RAD17: variants seen among roughly 807,000 people sequenced by gnomAD.
The protein encoded by RAD17 is RAD17 checkpoint clamp loader component.
In RAD17, 31 loss-of-function variants were observed where a neutral mutation model predicts 81.5. The ratio of observed to expected loss-of-function variants is 0.38; its 90% confidence interval spans 0.29 to 0.51. RAD17 has a LOEUF of 0.51. Among genes scored for constraint, RAD17 ranks in the 20% least tolerant of loss-of-function variants. The pLI is 0.88. For missense variants in RAD17, 681 were observed against 781.2 expected, an observed-to-expected ratio of 0.87 and a Z score of 1.53; for synonymous variants, 261 against 266.2, an observed-to-expected ratio of 0.98 and a Z score of 0.19.
intron 18 of RAD17, among the ~76,000 whole-genome samples, chr5:69,412,207 C>T (rs866100531): frequency 2.4e-4 from 37 of 152,110 alleles, no homozygotes; most frequent in Non-Finnish European, 1.0e-4. Context: ...CCGCCCACTT[C>T]GGCCTCCCAA....
chr5:69,408,506 CT>C (rs913594965), intron 17 of RAD17, among the ~76,000 whole-genome samples: 1,025 of 88,432 alleles, frequency 0.012, 9 homozygotes, highest in African/African-American at 0.041. Flanking sequence ...ACCCTAATTA[CT>C]TTTTTTTTTT....
intron 11 of RAD17, among the ~76,000 whole-genome samples, chr5:69,387,000 C>T (rs888190610): frequency 4.6e-5 from 7 of 150,920 alleles, no homozygotes; most frequent in African/African-American, 1.7e-4. Context: ...TCATGGCTCA[C>T]TGCAGCCTCG....
At chr5:69,409,609 T>A (rs1410513363) in intron 17 of RAD17, among the ~76,000 whole-genome samples, 1 of 152,206 alleles carries the variant, frequency 6.6e-6, no homozygotes, top group Non-Finnish European at 1.5e-5. Flanking sequence ...TGGGAGTGGG[T>A]ACACAAGAGC....
At chr5:69,384,674 C>T in intron 7 of RAD17, 123 bp from the exon 8 acceptor site, 1 of 890,288 alleles carries the variant, frequency 1.1e-6, no homozygotes, top group Non-Finnish European at 1.6e-6. Context: ...ATGATTTTTC[C>T]TAATTGGGAA....
In RAD17 at chr5:69,406,368, A is replaced by T. The variant is rs35790913; in HGVS notation, c.1694-4125A>T. On this transcript the variant is annotated intron_variant, in intron 17 of 18. Coordinates refer to ENST00000354868, the MANE Select transcript of RAD17 (RefSeq NM_133338.3). The stretch of plus-strand genomic sequence containing the variant: ...TCATAATAGTAGAGCACAGAATGGG[A>T]TTACCATGGGCTTGGGTGGTAGGGG... 1.9e-3 allele frequency among the ~76,000 whole-genome samples: 281 copies of T among 151,256 alleles called. 1 individual carries two copies. The highest frequency in any genetic ancestry group is 0.014 in the Middle Eastern group (4 of 292).
rs540372857 is a variant in RAD17 at position 69,374,991 on chromosome 5, C to T, written c.351+280C>T. On this transcript the variant is annotated intron_variant, in intron 6 of 18. Coordinates refer to ENST00000354868, the MANE Select transcript of RAD17 (RefSeq NM_133338.3). ...ATTAGCTGGGCATTGTGGTGCATGCCTCTGGTCTCAGCTACTTGGGAAGCT... is the reference window on the plus strand; with the variant it reads ...ATTAGCTGGGCATTGTGGTGCATGCTTCTGGTCTCAGCTACTTGGGAAGCT... Among the ~76,000 whole-genome samples, 8 of 152,230 alleles carry T rather than the reference C, an allele frequency of 5.3e-5. No homozygotes were observed. In the East Asian group the frequency reaches 9.7e-4, roughly 18 times the overall value.
intron 7 of RAD17, among the ~76,000 whole-genome samples, chr5:69,382,782 A>G (rs1254402342): frequency 6.6e-6 from 1 of 152,210 alleles, no homozygotes; most frequent in Non-Finnish European, 1.5e-5. Flanking sequence ...ATAACGATTT[A>G]AAAATTGATA....
chr5:69,399,787 TTTC>T (rs1383793345), intron 16 of RAD17, among the ~76,000 whole-genome samples: 3 of 152,168 alleles, frequency 2.0e-5, no homozygotes, highest in African/African-American at 4.8e-5. Flanking sequence ...TAAATTTGGT[TTTC>T]TTATACATTC....
At chr5:69,373,711 T>TATTTTTAAAGGTTATAAATA in intron 4 of RAD17, 119 bp from the exon 5 acceptor site, 1 of 435,610 alleles carries the variant, frequency 2.3e-6, no homozygotes, top group South Asian at 4.7e-5. Context: ...TTTTTTTTTT[T>TATTTTTAAAGGTTATAAATA]TTTTTAAGTT....
intron 4 of RAD17, among the ~76,000 whole-genome samples, chr5:69,373,067 G>T (rs1763104770): frequency 6.6e-6 from 1 of 152,170 alleles, no homozygotes; most frequent in African/African-American, 2.4e-5. Flanking sequence ...TCTTCAAGCT[G>T]ATACGGATTA....
chr5:69,369,993 C>G (rs1762831837), intron 1 of RAD17, 60 bp downstream of exon 1: 1 of 440,374 alleles, frequency 2.3e-6, no homozygotes, highest in Non-Finnish European at 4.0e-6. Flanking sequence ...GAGTCTATCT[C>G]TGCCTTCAAG....
chr5:69,388,044 A>G (rs1202816745), intron 11 of RAD17, among the ~76,000 whole-genome samples: 1 of 152,056 alleles, frequency 6.6e-6, no homozygotes, highest in Non-Finnish European at 1.5e-5. Context: ...TACATTCTCT[A>G]CTATAAGCAT....
chr5:69,373,969 T>C lies in RAD17; in HGVS notation c.149T>C (p.Phe50Ser), dbSNP rs555512854. The change falls in exon 5 of 19, where the codon TTT becomes TCT. Residue 50 changes from phenylalanine to serine, a missense_variant. Coordinates refer to ENST00000354868, the MANE Select transcript of RAD17 (RefSeq NM_133338.3). ...NGPSTLESSR[F>S]PARKRGNLSS... is the part of the protein sequence containing the mutation. Reference sequence around the variant, plus strand: ...CCTTCTACATTAGAAAGCAGCAGATTTCCAGCGAGAAAAAGAGGAAATCTA... The same window carrying C: ...CCTTCTACATTAGAAAGCAGCAGATCTCCAGCGAGAAAAAGAGGAAATCTA... 96 of 1,613,630 alleles carry C rather than the reference T, an allele frequency of 5.9e-5. 1 individual carries two copies. In the South Asian group the frequency reaches 1.0e-3, roughly 17 times the overall value.
chr5:69,373,680 A>C, intron 4 of RAD17, 150 bp from the exon 5 acceptor site: 1 of 252,006 alleles, frequency 4.0e-6, no homozygotes, highest in Non-Finnish European at 5.5e-6. Context: ...ACCCGGTCTC[A>C]AAAAAATTTT....
intron 17 of RAD17, among the ~76,000 whole-genome samples, chr5:69,405,597 G>A (rs998648253): frequency 6.6e-6 from 1 of 151,718 alleles, no homozygotes; most frequent in African/African-American, 2.4e-5. Context: ...AACTTGGGAG[G>A]CAGAGGTTGC....
chr5:69,401,094 C>T (rs1400187906), intron 17 of RAD17, among the ~76,000 whole-genome samples: 2 of 152,168 alleles, frequency 1.3e-5, no homozygotes. Flanking sequence ...TCTGTAATCC[C>T]AGCCACTCGG....
At chr5:69,391,777 T>C in intron 12 of RAD17, 54 bp from the exon 13 acceptor site, 4 of 1,285,186 alleles carry the variant, frequency 3.1e-6, no homozygotes, top group Non-Finnish European at 4.1e-6. Context: ...GTGTTCTTAG[T>C]TTTAATTTTC....
Position 69,414,344 on chromosome 5 carries a change from T to G in RAD17, c.*52T>G. The G allele has an allele frequency of 6.4e-7, 1 of 1,561,478 alleles. No homozygotes were observed. Among genetic ancestry groups the G allele is most frequent in the Non-Finnish European group, 8.8e-7 (1 of 1,138,466 alleles). On this transcript the variant is annotated 3_prime_UTR_variant, in exon 19 of 19. Coordinates refer to ENST00000354868, the MANE Select transcript of RAD17 (RefSeq NM_133338.3). ...CTTCACAGCTTCATTTTTGTTTCAT[T>G]CAGTGGTACTTCAGCAGAGTTAATA...
At chr5:69,388,803 T>A (rs1305236057) in intron 11 of RAD17, among the ~76,000 whole-genome samples, 4 of 152,020 alleles carry the variant, frequency 2.6e-5, no homozygotes, top group Admixed American at 6.6e-5. Flanking sequence ...AGATAAGGTC[T>A]TACTACCTTG....
Sources: gnomAD v4.1 joint callset for allele counts (sites outside exome capture counted in the v4.1 genomes callset) on GRCh38, gnomAD v4.1.1 for gene constraint, MANE v1.5 for transcripts, NCBI Gene and HGNC (gene_info 2026-07-23, HGNC 2026-07-21) for gene names.